The following RALGAPB variants were observed in gnomAD, a reference collection of about 807,000 sequenced individuals.
The protein encoded by RALGAPB is ral GTPase-activating protein subunit beta.
A neutral mutation model predicts 161.1 loss-of-function variants in RALGAPB; 25 were observed. The observed-to-expected ratio is 0.16, with a 90% CI of 0.11 to 0.22. The LOEUF is 0.22. RALGAPB is among the 10% of genes least tolerant of loss of function. The pLI, the probability that RALGAPB is intolerant of heterozygous loss-of-function variation, is 1.00. For missense variants in RALGAPB, 1,391 were observed against 1,815.2 expected, an observed-to-expected ratio of 0.77 and a Z score of 4.25; for synonymous variants, 629 against 626.1, an observed-to-expected ratio of 1.00 and a Z score of -0.07.
At chr20:38,549,906 A>C (rs933079028) in intron 20 of RALGAPB, among the ~76,000 whole-genome samples, 7 of 152,328 alleles carry the variant, frequency 4.6e-5, no homozygotes, top group Non-Finnish European at 1.0e-4. Context: ...AATGTCCAAC[A>C]ATGATAGACT....
At chr20:38,510,864 T>C (rs893240403) in intron 6 of RALGAPB, among the ~76,000 whole-genome samples, 10 of 146,282 alleles carry the variant, frequency 6.8e-5, no homozygotes, top group Non-Finnish European at 1.0e-4. Flanking sequence ...GAGCCGAGAT[T>C]GCGCCACTGC....
In RALGAPB at chr20:38,532,873, CT is replaced by C; in HGVS notation, c.2245+18del. On this transcript the variant is annotated intron_variant, in intron 15 of 29. Coordinates refer to ENST00000262879, the MANE Select transcript of RALGAPB (RefSeq NM_020336.4). ...TAAGAGATTATGGTTAGTCGTGTTT[CT>C]TTTGAAATTCAAAGTTTAATAGAAT... 6.2e-7 allele frequency: 1 copy of C among 1,606,954 alleles called. No homozygotes were observed. The highest frequency in any genetic ancestry group is 1.1e-5 in the South Asian group (1 of 90,488).
In RALGAPB at chr20:38,546,393, C is replaced by T; in HGVS notation, c.2865C>T (p.Ile955=). 6.2e-7 allele frequency: 1 copy of T among 1,614,056 alleles called. No homozygotes were observed. The highest frequency in any genetic ancestry group is 8.5e-7 in the Non-Finnish European group (1 of 1,179,970). The change falls in exon 19 of 30, where the codon ATC becomes ATT. Residue 955 remains isoleucine (I), a synonymous_variant. Transcript: ENST00000262879. ...ACTTTGTCTTGGATAACAGTGTCAT[C>T]CTGGCAATGCTGGAACAACCTCTTG... is the stretch of plus-strand genomic sequence containing the variant. ...FRYFVLDNSV[I]LAMLEQPLGN...
At position 38,499,598 on chromosome 20, in the gene RALGAPB, G is replaced by A; in HGVS notation, c.705G>A (p.Glu235=). 1 of 1,613,692 alleles carries A rather than the reference G, an allele frequency of 6.2e-7. No homozygotes were observed. The highest frequency in any genetic ancestry group is 1.1e-5 in the South Asian group (1 of 91,032). Residue 235 remains glutamate, a synonymous_variant, in exon 5 of 30, where the codon GAG becomes GAA. Transcript: ENST00000262879. ...GGAGGCATCACCCAGCAGTGGTGGA[G>A]CAGTGGAGCAAGGTCATTTGTGCAC... is the stretch of plus-strand genomic sequence containing the variant. ...ANWRHHPAVV[E]QWSKVICALT...
Position 38,558,287 on chromosome 20 carries a change from G to C in RALGAPB, c.3373-8G>C, listed in dbSNP as rs753681463. ...GTAATAATTGCTCCTTTCTTCTTTT[G>C]GTGGCAGGAACCTGCAAATAGTCGT... On this transcript the variant is annotated splice_region_variant and splice_polypyrimidine_tract_variant and intron_variant, in intron 22 of 29. Transcript: ENST00000262879. The C allele has an allele frequency of 2.7e-6, 4 of 1,488,462 alleles. No individual in the cohort carries two copies. Among genetic ancestry groups the C allele is most frequent in the South Asian group, 2.8e-5 (2 of 70,260 alleles). The allele number at this position is 1,488,462 out of a possible 1,614,324, so 92.2% of individuals were successfully genotyped here. A position where few individuals can be genotyped will look rare whatever the true frequency, so the allele number is the denominator to read the frequency against.
intron 1 of RALGAPB, among the ~76,000 whole-genome samples, chr20:38,486,858 G>C (rs2085129740): frequency 6.6e-6 from 1 of 152,064 alleles, no homozygotes; most frequent in South Asian, 2.1e-4. Flanking sequence ...TTTCCCACTG[G>C]TAAACCTTGA....
chr20:38,517,871 C>T lies in RALGAPB; in HGVS notation c.1288C>T (p.Arg430Trp), dbSNP rs2086178983. Residue 430 changes from arginine (R) to tryptophan (W), a missense_variant, in exon 9 of 30, where the codon CGG becomes TGG. Coordinates refer to ENST00000262879, the MANE Select transcript of RALGAPB (RefSeq NM_020336.4). ...TCCAAATCAGACTAGTTCAGAACCC[C>T]GGCCACTGCCTGCCCCTCGGAGACC... ...SSPNQTSSEPRPLPAPRRPKV... is the reference protein window; with the variant it reads ...SSPNQTSSEPWPLPAPRRPKV... 9 of 1,613,778 alleles carry T rather than the reference C, an allele frequency of 5.6e-6. No homozygotes were observed. Among genetic ancestry groups the T allele is most frequent in the East Asian group, 2.2e-5 (1 of 44,878 alleles).
chr20:38,525,470 G>C lies in RALGAPB; in HGVS notation c.1854G>C (p.Leu618=). Residue 618 remains leucine (L), a synonymous_variant, in exon 12 of 30, where the codon CTG becomes CTC. Coordinates refer to ENST00000262879, the MANE Select transcript of RALGAPB (RefSeq NM_020336.4). Reference sequence around the variant, plus strand: ...TGCGAAGATCCTCCATTAATATCCTGCTTTCTTTGTTGCCCCTCCCTCATC... The same window carrying C: ...TGCGAAGATCCTCCATTAATATCCTCCTTTCTTTGTTGCCCCTCCCTCATC... ...TELRRSSINI[L]LSLLPLPHHF... The C allele has an allele frequency of 6.2e-7, 1 of 1,606,632 alleles. No homozygotes were observed. Among genetic ancestry groups the C allele is most frequent in the Non-Finnish European group, 8.5e-7 (1 of 1,178,072 alleles).
chr20:38,527,294 A>G lies in RALGAPB; in HGVS notation c.2050+1252A>G, dbSNP rs146297342. On this transcript the variant is annotated intron_variant, in intron 13 of 29. Coordinates refer to ENST00000262879, the MANE Select transcript of RALGAPB (RefSeq NM_020336.4). ...TGTATGTCCTTCCAACAGGAACACA[A>G]TCCTTGAAATGGTTTCTAAAAGGCC... 2.7e-3 allele frequency among the ~76,000 whole-genome samples: 405 copies of G among 152,218 alleles called. 1 individual carries two copies. Among genetic ancestry groups the G allele is most frequent in the African/African-American group, 9.2e-3 (384 of 41,540 alleles).
intron 5 of RALGAPB, among the ~76,000 whole-genome samples, chr20:38,508,174 G>A (rs2085823785): frequency 6.6e-6 from 1 of 151,626 alleles, no homozygotes; most frequent in African/African-American, 2.4e-5. Context: ...TATGCAATGT[G>A]TATATGTCAA....
At chr20:38,574,722 C>T (rs2088372107) in intron 29 of RALGAPB, 52 bp from the exon 30 acceptor site, 3 of 1,495,682 alleles carry the variant, frequency 2.0e-6, no homozygotes, top group African/African-American at 1.4e-5. Context: ...TACAGTTCAC[C>T]TACGTAAGTG....
At position 38,565,377 on chromosome 20, in the gene RALGAPB, A is replaced by G. The variant is rs3764698; in HGVS notation, c.3716A>G (p.Asp1239Gly). ...CCAGAAGAAGTGATTTCCTCTGAAG[A>G]TATTGGAGCTAGCATTTTCAATGGA... ...GSQQEVISSE[D>G]IGASIFNGQK... is the part of the protein sequence containing the mutation. The change falls in exon 25 of 30, where the codon GAT (aspartate) becomes GGT (glycine). Residue 1239 changes from aspartate to glycine, a missense_variant. Asp to Gly is a moderately conservative substitution (Grantham distance 94). Around this residue, in one of 3 missense-constraint regions of RALGAPB, gnomAD observed 436 missense variants for 527.0 expected, o/e 0.83. Transcript: ENST00000262879. 48 of 1,613,442 alleles carry G rather than the reference A, an allele frequency of 3.0e-5. No individual in the cohort carries two copies. The East Asian group carries it at 1.1e-3, about 36-fold the overall frequency.
chr20:38,524,677 G>A, intron 10 of RALGAPB, 101 bp from the exon 11 acceptor site: 2 of 862,650 alleles, frequency 2.3e-6, no homozygotes, highest in South Asian at 1.7e-5. Flanking sequence ...GGTAAAAATA[G>A]TGATGAGTGG....
chr20:38,494,620 A>ACT (rs2085367102), intron 3 of RALGAPB, among the ~76,000 whole-genome samples: 1 of 152,156 alleles, frequency 6.6e-6, no homozygotes, highest in Non-Finnish European at 1.5e-5. Context: ...ACAGAGCGAG[A>ACT]CTCTGTCTCA....
intron 1 of RALGAPB, among the ~76,000 whole-genome samples, chr20:38,478,873 C>T (rs975369085): frequency 2.6e-5 from 4 of 152,188 alleles, no homozygotes; most frequent in Non-Finnish European, 4.4e-5. Context: ...ACCTCGGCCT[C>T]CCAAAGTCCT....
chr20:38,545,354 C>T (rs2087128250), intron 18 of RALGAPB, among the ~76,000 whole-genome samples: 1 of 152,036 alleles, frequency 6.6e-6, no homozygotes, highest in Non-Finnish European at 1.5e-5. Flanking sequence ...TATTATGATA[C>T]TATATCACAT....
chr20:38,480,000 G>C (rs1386444588), intron 1 of RALGAPB, among the ~76,000 whole-genome samples: 1 of 147,938 alleles, frequency 6.8e-6, no homozygotes, highest in Admixed American at 6.7e-5. Context: ...TTTTTTGTTT[G>C]AGACAGGGTC....
intron 3 of RALGAPB, among the ~76,000 whole-genome samples, chr20:38,496,680 G>A (rs2085436762): frequency 6.6e-6 from 1 of 152,126 alleles, no homozygotes; most frequent in African/African-American, 2.4e-5. Flanking sequence ...GGAAAAAATG[G>A]TCCTGCGGTG....
chr20:38,516,640 A>G, intron 7 of RALGAPB: 1 of 314,194 alleles, frequency 3.2e-6, no homozygotes, highest in Non-Finnish European at 5.8e-6. Context: ...CCCACCTAAT[A>G]CATCAAACAA....
Sources: allele counts gnomAD v4.1 joint callset (sites outside exome capture counted in the v4.1 genomes callset), GRCh38; gene constraint gnomAD v4.1.1; regional missense constraint gnomAD v4.1.1; transcripts MANE v1.5; gene names NCBI Gene and HGNC (gene_info 2026-07-23, HGNC 2026-07-21).